RHOH: variants seen among roughly 807,000 people sequenced by gnomAD.
The protein encoded by RHOH is ras homolog family member H, also known as rho-related GTP-binding protein RhoH.
Under a neutral mutation model 13.8 loss-of-function variants are expected in RHOH, and 6 were observed. That is an observed-to-expected ratio of 0.44 (90% CI 0.24 to 0.86). RHOH has a LOEUF of 0.86. Among genes scored for constraint, RHOH ranks in the 40% least tolerant of loss-of-function variants. The probability of loss-of-function intolerance (pLI) is 0.24; values close to 1 mark genes in which losing one functional copy is unlikely to be tolerated. For missense variants in RHOH, 147 were observed against 244.5 expected (o/e 0.60, Z 2.66); for synonymous variants, 117 against 103.0 (o/e 1.14, Z -0.82).
chr4:40,195,400 TCC>T (rs1723031533), upstream of RHOH, among the ~76,000 whole-genome samples: 1 of 144,904 alleles, frequency 6.9e-6, no homozygotes, highest in African/African-American at 2.5e-5. Context: ...CTTCCTTCCT[TCC>T]TTCCTTCCTT....
In RHOH at chr4:40,246,875, G is replaced by C. The variant is rs1339896509; in HGVS notation, c.*2913G>C. The C allele has an allele frequency of 1.3e-5, 2 of 152,136 alleles. No homozygotes were observed. Among genetic ancestry groups the C allele is most frequent in the Non-Finnish European group, 2.9e-5 (2 of 68,030 alleles). 9.4% of individuals were successfully genotyped at this position (152,136 alleles called of 1,614,324 possible). ...GGTTTCTTATACTTCAAAATTTGTG[G>C]TACCTTTTTGTAGACTATTGCATAT... On this transcript the variant is annotated 3_prime_UTR_variant, in exon 3 of 3. Coordinates refer to ENST00000381799, the MANE Select transcript of RHOH (RefSeq NM_004310.5).
chr4:40,199,338 A>G (rs1467552345), intron 1 of RHOH, among the ~76,000 whole-genome samples: 1 of 152,202 alleles, frequency 6.6e-6, no homozygotes, highest in Non-Finnish European at 1.5e-5. Context: ...GAAGCCTGCA[A>G]AGCTAACTCT....
At chr4:40,203,596 G>T (rs895205722) in intron 1 of RHOH, among the ~76,000 whole-genome samples, 2 of 151,900 alleles carry the variant, frequency 1.3e-5, no homozygotes, top group Non-Finnish European at 2.9e-5. Flanking sequence ...CTACTTAAAG[G>T]CTCAGAATTG....
rs1018020034 is a variant in RHOH, at chr4:40,243,578, C to T, written c.192C>T (p.Ala64=). 6 of 1,614,172 alleles carry T rather than the reference C, an allele frequency of 3.7e-6. No individual in the cohort carries two copies. In the South Asian group the frequency reaches 5.5e-5, roughly 15 times the overall value. Residue 64 remains alanine, a synonymous_variant, in exon 3 of 3, where the codon GCC becomes GCT. Transcript: ENST00000381799. The surrounding 1 kb of genome is among the most constrained non-coding windows in gnomAD (Gnocchi z 6.2). ...LGLWDTAGND[A]FRSIRPLSYQ... ...TCTGGGACACAGCCGGCAATGACGC[C>T]TTCAGAAGCATCCGGCCCCTGTCCT...
intron 1 of RHOH, among the ~76,000 whole-genome samples, chr4:40,212,492 G>C (rs1725382314): frequency 6.6e-6 from 1 of 152,102 alleles, no homozygotes; most frequent in Admixed American, 6.5e-5. Flanking sequence ...CGAGAGAATA[G>C]GATTAATGCC....
At chr4:40,201,911 A>C (rs1724038392) in intron 1 of RHOH, among the ~76,000 whole-genome samples, 2 of 152,008 alleles carry the variant, frequency 1.3e-5, no homozygotes, top group Admixed American at 1.3e-4. Flanking sequence ...CTGAACACTA[A>C]GCAATAGGAG....
chr4:40,227,091 G>C (rs1024776235), intron 1 of RHOH, among the ~76,000 whole-genome samples: 1 of 152,110 alleles, frequency 6.6e-6, no homozygotes, highest in Non-Finnish European at 1.5e-5. Flanking sequence ...CCTGAGAGGT[G>C]GAGGTTGCAG....
At chr4:40,193,770 G>C (rs1402019502), upstream of RHOH, 1 of 152,692 alleles carries the variant, frequency 6.5e-6, no homozygotes. Flanking sequence ...AAGCAGAAGG[G>C]TGGTCAGCCA....
At chr4:40,223,050 A>G (rs1726775592) in intron 1 of RHOH, among the ~76,000 whole-genome samples, 1 of 152,218 alleles carries the variant, frequency 6.6e-6, no homozygotes, top group Admixed American at 6.5e-5. Flanking sequence ...GTGGGACTGA[A>G]TGTCTGTAAT....
intron 1 of RHOH, among the ~76,000 whole-genome samples, chr4:40,205,040 A>C (rs1724482327): frequency 6.6e-6 from 1 of 152,160 alleles, no homozygotes; most frequent in Admixed American, 6.5e-5. Flanking sequence ...AGGCAGGCAG[A>C]TCATCTGAGG....
At chr4:40,202,882 G>A (rs1195735676) in intron 1 of RHOH, among the ~76,000 whole-genome samples, 1 of 151,990 alleles carries the variant, frequency 6.6e-6, no homozygotes, top group Non-Finnish European at 1.5e-5. Flanking sequence ...ATTTTGACCT[G>A]AAAAAAATAG....
intron 1 of RHOH, among the ~76,000 whole-genome samples, chr4:40,214,145 C>A (rs926693438): frequency 1.3e-5 from 2 of 152,158 alleles, no homozygotes; most frequent in African/African-American, 4.8e-5. Flanking sequence ...TAATCTCCTC[C>A]TTTGCTATTT....
chr4:40,208,977 A>G lies in RHOH; in HGVS notation c.-331+11677A>G, dbSNP rs139535716. The stretch of plus-strand genomic sequence containing the variant: ...TAGAAATTATCTAGTGTGTGATAAG[A>G]TTACATGATTTAAAATGTTTTTCAT... On this transcript the variant is annotated intron_variant, in intron 1 of 2. Transcript: ENST00000381799. Among the ~76,000 whole-genome samples, 362 of 152,216 alleles carry G rather than the reference A, an allele frequency of 2.4e-3. 2 individuals carry two copies. Among genetic ancestry groups the G allele is most frequent in the African/African-American group, 5.9e-3 (244 of 41,548 alleles).
In RHOH at chr4:40,224,946, G is replaced by A. The variant is rs1727043222; in HGVS notation, c.-330-17768G>A. Among the ~76,000 whole-genome samples the A allele has an allele frequency of 2.0e-5, 3 of 152,076 alleles. No homozygotes were observed. In the South Asian group the frequency reaches 6.2e-4, roughly 32 times the overall value. ...TTTTTTAGAGACAGGGTCTCACTTT[G>A]TCATCCAGGCTGGAGTGCAGTGTTG... On this transcript the variant is annotated intron_variant, in intron 1 of 2. Transcript: ENST00000381799.
upstream of RHOH, among the ~76,000 whole-genome samples, chr4:40,195,354 T>TCC (rs1383918220): frequency 4.4e-5 from 4 of 91,950 alleles, no homozygotes; most frequent in African/African-American, 1.3e-4. Flanking sequence ...CTTTCTTTCT[T>TCC]TTCCTTCCTT....
chr4:40,233,447 G>A (rs1239758431), intron 1 of RHOH, among the ~76,000 whole-genome samples: 2 of 138,544 alleles, frequency 1.4e-5, no homozygotes, highest in African/African-American at 5.7e-5. Context: ...GGTCAGAGAC[G>A]TTAAGTAATT....
chr4:40,241,121 T>C (rs1162470549), intron 1 of RHOH, among the ~76,000 whole-genome samples: 1 of 152,188 alleles, frequency 6.6e-6, no homozygotes, highest in African/African-American at 2.4e-5. Context: ...GGATCTAAAG[T>C]TTAACGGAAG....
chr4:40,205,117 C>T (rs1724493828), intron 1 of RHOH, among the ~76,000 whole-genome samples: 1 of 152,180 alleles, frequency 6.6e-6, no homozygotes, highest in Admixed American at 6.5e-5. Flanking sequence ...ACAAAATTAG[C>T]TGGGCGTGGT....
At chr4:40,195,636 G>A (rs1005303458), upstream of RHOH, among the ~76,000 whole-genome samples, 2 of 151,916 alleles carry the variant, frequency 1.3e-5, no homozygotes, top group Non-Finnish European at 2.9e-5. Context: ...TGTAGAGATG[G>A]GATCTCACTA....
Sources: allele counts gnomAD v4.1 joint callset (sites outside exome capture counted in the v4.1 genomes callset), GRCh38; gene constraint gnomAD v4.1.1; non-coding constraint Gnocchi (gnomAD v3.1); transcripts MANE v1.5; gene names NCBI Gene and HGNC (gene_info 2026-07-23, HGNC 2026-07-21).